The following GANC variants were observed in gnomAD, a reference collection of about 807,000 sequenced individuals.
GANC encodes glucosidase alpha, neutral C, also known as neutral alpha-glucosidase C.
GANC carries 117 observed loss-of-function variants against 124.2 expected under a neutral mutation model. The ratio of observed to expected loss-of-function variants is 0.94; its 90% CI spans 0.81 to 1.10. The LOEUF (loss-of-function observed/expected upper bound fraction) is 1.10. GANC is among the 50% of genes least tolerant of loss of function. GANC has a pLI of 0.00. For missense variants in GANC, 1,140 were observed against 1,095.0 expected (o/e 1.04, Z -0.58); for synonymous variants, 377 against 376.8 (o/e 1.00, Z -0.01).
At chr15:42,278,771 A>G (rs572678726) in intron 3 of GANC, among the ~76,000 whole-genome samples, 181 bp downstream of exon 3, 32 of 152,352 alleles carry the variant, frequency 2.1e-4, no homozygotes, top group Non-Finnish European at 3.5e-4. Flanking sequence ...AAGTGGGCAG[A>G]TTGCTCGAGC....
rs1368898001 is a variant in GANC at position 42,282,102 on chromosome 15, C to CA, written c.201+3513dup. 7.2e-5 allele frequency among the ~76,000 whole-genome samples: 11 copies of CA among 152,294 alleles called. No individual in the cohort carries two copies. The East Asian group carries it at 7.7e-4, about 11-fold the overall frequency. ...CTTTGGTAGGCCGAGGCGGGCAGAT[C>CA]ACGAGGTCAGGAGTTCAAGACCAGC... On this transcript the variant is annotated intron_variant, in intron 3 of 23. Transcript: ENST00000318010.
intron 3 of GANC, among the ~76,000 whole-genome samples, chr15:42,279,953 C>T (rs572865009): frequency 2.0e-5 from 3 of 152,154 alleles, no homozygotes; most frequent in African/African-American, 4.8e-5. Flanking sequence ...TATTCCCAGA[C>T]AGAAAGAACA....
chr15:42,293,622 G>A (rs1477747332), intron 5 of GANC, among the ~76,000 whole-genome samples: 1 of 151,234 alleles, frequency 6.6e-6, no homozygotes, highest in Non-Finnish European at 1.5e-5. Flanking sequence ...TTGAAAAGAA[G>A]AAAATTTAAA....
intron 21 of GANC, among the ~76,000 whole-genome samples, 174 bp downstream of exon 21, chr15:42,348,390 A>G (rs570017906): frequency 2.4e-4 from 37 of 152,314 alleles, no homozygotes; most frequent in African/African-American, 8.9e-4. Context: ...AATTGTTCTT[A>G]AGGGAACCTT....
chr15:42,299,372 T>G (rs1299086119), intron 6 of GANC, among the ~76,000 whole-genome samples: 1 of 152,224 alleles, frequency 6.6e-6, no homozygotes, highest in Non-Finnish European at 1.5e-5. Flanking sequence ...CGTTTATTGA[T>G]TTGCATATGT....
intron 3 of GANC, among the ~76,000 whole-genome samples, chr15:42,283,066 T>C (rs2141018272): frequency 6.6e-6 from 1 of 152,332 alleles, no homozygotes; most frequent in African/African-American, 2.4e-5. Context: ...TATTGTGGGT[T>C]AGGGCTTTAA....
intron 10 of GANC, among the ~76,000 whole-genome samples, chr15:42,316,342 T>C (rs934536110): frequency 1.3e-5 from 2 of 152,022 alleles, no homozygotes; most frequent in South Asian, 4.2e-4. Context: ...GTAGTGGCCC[T>C]GAATGGCTGG....
chr15:42,326,954 ACTAT>A (rs2052202875), intron 12 of GANC, among the ~76,000 whole-genome samples: 1 of 152,234 alleles, frequency 6.6e-6, no homozygotes, highest in African/African-American at 2.4e-5. Context: ...AAGAGTCAGC[ACTAT>A]CTATCATAAA....
intron 2 of GANC, 90 bp downstream of exon 2, chr15:42,276,500 T>G: frequency 1.6e-6 from 1 of 626,960 alleles, no homozygotes; most frequent in Admixed American, 3.0e-5. Context: ...CTGATAGACT[T>G]TCCAAGGAAA....
chr15:42,324,621 A>C (rs932061674), intron 11 of GANC, among the ~76,000 whole-genome samples: 1 of 152,168 alleles, frequency 6.6e-6, no homozygotes, highest in African/African-American at 2.4e-5. Flanking sequence ...AGCCTTTAAA[A>C]CGAAGGAAAT....
Position 42,353,224 on chromosome 15 carries a change from G to A in GANC, c.*1085G>A, listed in dbSNP as rs963735124. The A allele has an allele frequency of 1.5e-5, 15 of 985,794 alleles. No homozygotes were observed. Among genetic ancestry groups the A allele is most frequent in the South Asian group, 4.7e-5 (1 of 21,270 alleles). 61.1% of individuals were successfully genotyped at this position (985,794 alleles called of 1,614,324 possible). ...CCACAGCATCTGTTTTAGCAGCCTC[G>A]ACTCCTCAGCACTCCTCAGCACACA... On this transcript the variant is annotated 3_prime_UTR_variant, in exon 24 of 24. Transcript: ENST00000318010.
chr15:42,312,090 A>G (rs1013584332), intron 10 of GANC, among the ~76,000 whole-genome samples: 3 of 152,266 alleles, frequency 2.0e-5, no homozygotes, highest in Non-Finnish European at 2.9e-5. Context: ...TTAAGATGGC[A>G]GTAATATAGA....
In GANC at chr15:42,321,859, G is replaced by A; in HGVS notation, c.1132G>A (p.Val378Ile). ...CTGGAACTATGAAGATGAGCAGGAT[G>A]TAAAAGCAGTGGATGCAGGGTTTGA... The part of the protein sequence containing the change: ...CRWNYEDEQD[V>I]KAVDAGFDEH... The change falls in exon 11 of 24, where the codon GTA becomes ATA. Residue 378 changes from valine to isoleucine, a missense_variant. By Grantham distance (29) the Val-to-Ile change is conservative. Coordinates refer to ENST00000318010, the MANE Select transcript of GANC (RefSeq NM_198141.3). 1 of 1,614,212 alleles carries A rather than the reference G, an allele frequency of 6.2e-7. No homozygotes were observed. The highest frequency in any genetic ancestry group is 2.2e-5 in the East Asian group (1 of 44,884).
chr15:42,312,031 G>A (rs1224934288), intron 10 of GANC, among the ~76,000 whole-genome samples: 3 of 152,096 alleles, frequency 2.0e-5, no homozygotes, highest in Non-Finnish European at 4.4e-5. Context: ...ATTAAAGAAT[G>A]CCTAAATAAA....
At chr15:42,351,981 C>T in intron 23 of GANC, 49 bp from the exon 24 acceptor site, 1 of 1,607,780 alleles carries the variant, frequency 6.2e-7, no homozygotes, top group South Asian at 1.1e-5. Flanking sequence ...AGACTTTTCC[C>T]TTCTAGAGAT....
At position 42,273,631 on chromosome 15, in the gene GANC, T is replaced by C; in HGVS notation, c.-851T>C. ...AACCTGGTCAGCTGGGTTAGAGAGA[T>C]CGCTACATGCCAGCCTGGCCTGAGT... On this transcript the variant is annotated 5_prime_UTR_variant, in exon 1 of 24. Coordinates refer to ENST00000318010, the MANE Select transcript of GANC (RefSeq NM_198141.3). The C allele has an allele frequency of 1.6e-6, 1 of 632,644 alleles. No individual in the cohort carries two copies. The allele number at this position is 632,644 out of a possible 1,614,324, so 39.2% of individuals were successfully genotyped here.
intron 19 of GANC, among the ~76,000 whole-genome samples, chr15:42,343,817 C>G (rs7164282): frequency 0.011 from 1,662 of 152,132 alleles, 25 homozygotes; most frequent in African/African-American, 0.037. Flanking sequence ...CCAGAAGGGC[C>G]AGGAGAAGAG....
chr15:42,328,813 G>T lies in GANC; in HGVS notation c.1501-493G>T, dbSNP rs181441817. Among the ~76,000 whole-genome samples, 50 of 152,298 alleles carry T rather than the reference G, an allele frequency of 3.3e-4. 2 individuals carry two copies. The highest frequency in any genetic ancestry group is 3.1e-3 in the Admixed American group (47 of 15,296). Reference sequence around the variant, plus strand: ...ACTCTAAACTGAACAGTTCTGTGTAGGATACAAACTATAGATCATGTTAAC... The same window carrying T: ...ACTCTAAACTGAACAGTTCTGTGTATGATACAAACTATAGATCATGTTAAC... On this transcript the variant is annotated intron_variant, in intron 13 of 23. Transcript: ENST00000318010.
chr15:42,324,726 T>C (rs2052185014), intron 11 of GANC, among the ~76,000 whole-genome samples: 1 of 152,178 alleles, frequency 6.6e-6, no homozygotes, highest in East Asian at 1.9e-4. Context: ...ATTCCACTAA[T>C]TTGAAGTAAT....
Sources: allele counts gnomAD v4.1 joint callset (sites outside exome capture counted in the v4.1 genomes callset), GRCh38; gene constraint gnomAD v4.1.1; transcripts MANE v1.5; gene names NCBI Gene and HGNC (gene_info 2026-07-23, HGNC 2026-07-21).